PHF24: variants seen among roughly 807,000 people sequenced by gnomAD.
PHF24 encodes Galpha inhibitory interacting protein.
A neutral mutation model predicts 42.6 loss-of-function variants in PHF24; 25 were observed. That is an observed-to-expected ratio of 0.59 (90% CI 0.43 to 0.82). PHF24 has a LOEUF of 0.82. Ranked by LOEUF, PHF24 falls within the 40% of genes least tolerant of loss-of-function variation. The pLI is 0.00. For missense variants in PHF24, 470 were observed against 538.1 expected, an observed-to-expected ratio of 0.87 and a Z score of 1.25; for synonymous variants, 185 against 204.8, an observed-to-expected ratio of 0.90 and a Z score of 0.83.
the PHF24 span, among the ~76,000 whole-genome samples, chr9:34,803,063 G>A: frequency 1.1e-4 from 16 of 152,110 alleles, no homozygotes; most frequent in Non-Finnish European, 2.1e-4. Context: ...CCCTAGCAAT[G>A]AGCCATCTAA....
At chr9:34,834,109 G>A in the PHF24 span, 8 of 1,378,124 alleles carry the variant, frequency 5.8e-6, 1 homozygote, top group Non-Finnish European at 6.9e-6. Context: ...TGTGATGTAG[G>A]TCTGGGTCAC....
At chr9:34,978,043 G>A (rs552103832) in exon 8 of PHF24, 2 of 1,614,182 alleles carry the variant, frequency 1.2e-6, no homozygotes, top group Admixed American at 3.3e-5. Context: ...CTTCCTGCAA[G>A]AGAATGTCCT....
chr9:34,733,389 A>C, the PHF24 span, among the ~76,000 whole-genome samples: 1 of 152,286 alleles, frequency 6.6e-6, no homozygotes, highest in East Asian at 1.9e-4. Context: ...ATGTATCAGA[A>C]ATACTTTTTC....
chr9:34,857,580 G>T, the PHF24 span, among the ~76,000 whole-genome samples: 2 of 152,298 alleles, frequency 1.3e-5, no homozygotes, highest in South Asian at 4.1e-4. Context: ...CTCCTGGGTG[G>T]TTGTCACCCC....
the PHF24 span, among the ~76,000 whole-genome samples, chr9:34,778,436 C>T: frequency 6.6e-6 from 1 of 152,114 alleles, no homozygotes; most frequent in Non-Finnish European, 1.5e-5. Context: ...ATAAGGTGTA[C>T]CATGCAACTA....
At chr9:34,904,483 A>T in the PHF24 span, among the ~76,000 whole-genome samples, 1 of 152,050 alleles carries the variant, frequency 6.6e-6, no homozygotes, top group African/African-American at 2.4e-5. Context: ...TGAGATGATC[A>T]TGTGACTTTT....
chr9:34,713,595 G>A, the PHF24 span, among the ~76,000 whole-genome samples: 1 of 152,128 alleles, frequency 6.6e-6, no homozygotes, highest in Non-Finnish European at 1.5e-5. Context: ...TGCTTTGGTG[G>A]AGGGACCAAC....
chr9:34,962,608 A>G (rs1300672426), intron 1 of PHF24, among the ~76,000 whole-genome samples: 2 of 152,224 alleles, frequency 1.3e-5, no homozygotes, highest in African/African-American at 4.8e-5. Context: ...GTAAATGGTG[A>G]TAATTAAGGT....
the PHF24 span, among the ~76,000 whole-genome samples, chr9:34,902,367 G>T: frequency 3.0e-4 from 45 of 152,162 alleles, no homozygotes; most frequent in Non-Finnish European, 8.8e-5. Context: ...TGAAATTTTA[G>T]TCTGGGCATG....
chr9:34,860,900 T>C, the PHF24 span, among the ~76,000 whole-genome samples: 1 of 152,174 alleles, frequency 6.6e-6, no homozygotes, highest in Non-Finnish European at 1.5e-5. Context: ...GACTGTGATC[T>C]CTTTACACAG....
the PHF24 span, among the ~76,000 whole-genome samples, chr9:34,753,987 G>A: frequency 6.6e-6 from 1 of 151,760 alleles, no homozygotes; most frequent in African/African-American, 2.4e-5. Context: ...AAAGTCAATC[G>A]ATTGGGTCTA....
the PHF24 span, among the ~76,000 whole-genome samples, chr9:34,854,220 A>G: frequency 1.4e-5 from 2 of 147,852 alleles, no homozygotes; most frequent in South Asian, 2.1e-4. Flanking sequence ...TTCAAAAAAA[A>G]TCAGCTTCCA....
At chr9:34,949,116 T>C in the PHF24 span, among the ~76,000 whole-genome samples, 3 of 152,156 alleles carry the variant, frequency 2.0e-5, no homozygotes, top group Non-Finnish European at 4.4e-5. Flanking sequence ...AGAACAAGTA[T>C]ATAGAAAATC....
chr9:34,964,937 C>A (rs1563928137), intron 1 of PHF24, among the ~76,000 whole-genome samples: 1 of 152,108 alleles, frequency 6.6e-6, no homozygotes, highest in Non-Finnish European at 1.5e-5. Flanking sequence ...ATCTTTTTGG[C>A]CTCTTTTCGT....
At chr9:34,948,048 G>A in the PHF24 span, among the ~76,000 whole-genome samples, 1 of 151,448 alleles carries the variant, frequency 6.6e-6, no homozygotes, top group Non-Finnish European at 1.5e-5. Context: ...GGCGGAGCTT[G>A]CAGTGAGCCG....
chr9:34,671,389 G>A, the PHF24 span, among the ~76,000 whole-genome samples: 1 of 152,228 alleles, frequency 6.6e-6, no homozygotes, highest in East Asian at 1.9e-4. Flanking sequence ...AGAATCCCAG[G>A]ATTAATTGTG....
the PHF24 span, among the ~76,000 whole-genome samples, chr9:34,672,049 A>G: frequency 1.3e-5 from 2 of 152,230 alleles, no homozygotes; most frequent in African/African-American, 2.4e-5. Context: ...AGTGCCAGGC[A>G]CCATGCAAAA....
At chr9:34,839,214 T>C in the PHF24 span, among the ~76,000 whole-genome samples, 1 of 152,222 alleles carries the variant, frequency 6.6e-6, no homozygotes, top group African/African-American at 2.4e-5. Flanking sequence ...TAGAGCTGCC[T>C]CTGTCCTTCT....
the PHF24 span, among the ~76,000 whole-genome samples, chr9:34,718,464 C>T: frequency 6.6e-6 from 1 of 152,222 alleles, no homozygotes; most frequent in African/African-American, 2.4e-5. Flanking sequence ...TACATGCCTG[C>T]TTTGTGCTTA....
Sources: allele counts gnomAD v4.1 joint callset (sites outside exome capture counted in the v4.1 genomes callset), GRCh38; gene constraint gnomAD v4.1.1; transcripts MANE v1.5; gene names NCBI Gene and HGNC (gene_info 2026-07-23, HGNC 2026-07-21).